Variants in PCM1 observed in about 807,000 individuals in gnomAD.
The protein encoded by PCM1 is pericentriolar material 1 protein.
Under a neutral mutation model 241.9 loss-of-function variants are expected in PCM1, and 157 were observed. That is an observed-to-expected ratio of 0.65 (90% CI 0.57 to 0.74). PCM1 has a LOEUF of 0.74. Among genes scored for constraint, PCM1 ranks in the 30% least tolerant of loss-of-function variants. The pLI, the probability that PCM1 is intolerant of heterozygous loss-of-function variation, is 0.00. For missense variants in PCM1, 3,478 were observed against 2,360.1 expected, an observed-to-expected ratio of 1.47 and a Z score of -9.81; for synonymous variants, 1,085 against 784.9, an observed-to-expected ratio of 1.38 and a Z score of -6.39.
intron 23 of PCM1, among the ~76,000 whole-genome samples, chr8:17,976,568 T>G (rs1463623062): frequency 1.3e-5 from 2 of 152,312 alleles, no homozygotes; most frequent in East Asian, 3.9e-4. Flanking sequence ...TTCCATGGCC[T>G]TCTGCCAAGA....
intron 24 of PCM1, among the ~76,000 whole-genome samples, chr8:17,981,146 G>T (rs1587710813): frequency 6.6e-6 from 1 of 152,274 alleles, no homozygotes; most frequent in East Asian, 1.9e-4. Flanking sequence ...CAGGGATTTG[G>T]TTCCTTCCTG....
intron 34 of PCM1, 134 bp downstream of exon 34, chr8:18,011,961 G>T: frequency 1.3e-6 from 1 of 770,174 alleles, no homozygotes; most frequent in Non-Finnish European, 2.1e-6. Flanking sequence ...TCATTAATAT[G>T]CTTATTAAAA....
chr8:17,989,431 A>G (rs933284977), intron 26 of PCM1, among the ~76,000 whole-genome samples: 2 of 152,036 alleles, frequency 1.3e-5, no homozygotes, highest in African/African-American at 4.8e-5. Flanking sequence ...TTATATTTCA[A>G]TAAAGTTTAT....
chr8:18,012,782 T>C (rs1463947744), intron 34 of PCM1, among the ~76,000 whole-genome samples: 1 of 152,230 alleles, frequency 6.6e-6, no homozygotes, highest in Non-Finnish European at 1.5e-5. Flanking sequence ...TCTGATTTTC[T>C]CCTCTTTTCC....
At position 17,972,521 on chromosome 8, in the gene PCM1, A is replaced by T. The variant is rs1367503249; in HGVS notation, c.3777A>T (p.Glu1259Asp). The change falls in exon 23 of 39, where the codon GAA becomes GAT. Residue 1259 changes from glutamate to aspartate, a missense_variant. Physicochemically the swap from Glu to Asp is conservative, Grantham distance 45. Transcript: ENST00000325083. ...GCCAGTTTGATGAAGAATCACTGGAAAGCTTTAGCAGTATGCCTGATCCAG... is the reference window on the plus strand; with the variant it reads ...GCCAGTTTGATGAAGAATCACTGGATAGCTTTAGCAGTATGCCTGATCCAG... ...RRRQFDEESL[E>D]SFSSMPDPVD... The T allele has an allele frequency of 3.1e-6, 5 of 1,613,864 alleles. No homozygotes were observed. The Admixed American group carries it at 8.3e-5, about 27-fold the overall frequency.
chr8:17,950,811 A>C, intron 8 of PCM1, 87 bp downstream of exon 8: 4 of 762,912 alleles, frequency 5.2e-6, no homozygotes, highest in East Asian at 2.7e-5. Context: ...CATACATATC[A>C]CCTGGCATGA....
chr8:17,975,459 G>A lies in PCM1; in HGVS notation c.3943+2772G>A, dbSNP rs2078415054. The stretch of plus-strand genomic sequence containing the variant: ...ATTACAGGTGTGAGCCACAGCGCCC[G>A]ACCAATTTTTATTATATCTTAAAGG... On this transcript the variant is annotated intron_variant, in intron 23 of 38. Transcript: ENST00000325083. Among the ~76,000 whole-genome samples the A allele has an allele frequency of 1.3e-5, 2 of 152,090 alleles. 1 individual carries two copies. Among genetic ancestry groups the A allele is most frequent in the South Asian group, 4.1e-4 (2 of 4,828 alleles).
intron 9 of PCM1, among the ~76,000 whole-genome samples, chr8:17,953,639 G>T (rs577273021): frequency 6.6e-6 from 1 of 152,026 alleles, no homozygotes; most frequent in Non-Finnish European, 1.5e-5. Flanking sequence ...GTTTAGTCTA[G>T]AGAGCCCAGA....
At position 18,018,021 on chromosome 8, in the gene PCM1, A is replaced by G. The variant is rs569628406; in HGVS notation, c.5841+3181A>G. ...CACGTACAGTGTTGGTGGATACCTT[A>G]TCCACTTTCAACCCCATGCTAATAA... On this transcript the variant is annotated intron_variant, in intron 36 of 38. Transcript: ENST00000325083. Among the ~76,000 whole-genome samples the G allele has an allele frequency of 3.3e-5, 5 of 152,346 alleles. 1 individual carries two copies. In the South Asian group the frequency reaches 1.0e-3, roughly 32 times the overall value.
chr8:18,022,334 A>G (rs923883591), intron 36 of PCM1, among the ~76,000 whole-genome samples: 3 of 152,364 alleles, frequency 2.0e-5, no homozygotes, highest in African/African-American at 7.2e-5. Context: ...AAAATGTTCA[A>G]ACTTTTGTTG....
At chr8:17,927,817 G>C (rs902207008) in intron 2 of PCM1, 2 of 148,706 alleles carry the variant, frequency 1.3e-5, no homozygotes, top group Non-Finnish European at 3.0e-5. Context: ...CCTAAGTCCT[G>C]GGATTACAAG....
intron 6 of PCM1, among the ~76,000 whole-genome samples, chr8:17,940,586 T>G (rs963971992): frequency 5.9e-5 from 9 of 152,166 alleles, no homozygotes; most frequent in Non-Finnish European, 1.3e-4. Context: ...TATTAGAATT[T>G]TTCATTTTTT....
At chr8:17,984,882 G>T (rs192914568) in intron 24 of PCM1, among the ~76,000 whole-genome samples, 8 of 151,996 alleles carry the variant, frequency 5.3e-5, no homozygotes, top group Admixed American at 5.2e-4. Flanking sequence ...TGGTGAAATT[G>T]ACCTATTATG....
At chr8:17,936,474 A>C (rs1212365526) in intron 3 of PCM1, among the ~76,000 whole-genome samples, 1 of 151,660 alleles carries the variant, frequency 6.6e-6, no homozygotes, top group East Asian at 1.9e-4. Flanking sequence ...TAAGTAAATA[A>C]AAATGTTTTC....
chr8:17,948,232 C>A (rs1408427565), intron 7 of PCM1, among the ~76,000 whole-genome samples: 3 of 151,184 alleles, frequency 2.0e-5, no homozygotes, highest in African/African-American at 7.3e-5. Flanking sequence ...CCTGTCTAAT[C>A]CCTGTTATAC....
intron 29 of PCM1, among the ~76,000 whole-genome samples, chr8:17,997,830 G>C (rs1177583996): frequency 6.7e-6 from 1 of 150,264 alleles, no homozygotes; most frequent in Non-Finnish European, 1.5e-5. Flanking sequence ...TTTGAGACCA[G>C]CCTGGCCAAC....
At chr8:17,939,161 T>A in intron 5 of PCM1, 152 bp downstream of exon 5, 1 of 671,934 alleles carries the variant, frequency 1.5e-6, no homozygotes, top group Non-Finnish European at 2.5e-6. Flanking sequence ...CAGATTTACT[T>A]AAAATAGAGT....
At chr8:17,986,776 C>A (rs989213594) in intron 26 of PCM1, among the ~76,000 whole-genome samples, 2 of 151,804 alleles carry the variant, frequency 1.3e-5, no homozygotes, top group East Asian at 3.9e-4. Context: ...TTCATGTGGT[C>A]GTGGGATAGC....
rs2094353529 is a variant in PCM1, at chr8:18,028,153, G to C, written c.*491G>C. ...CAGTGTTGCTGCTGTTGGGTCTGATGTTCTTCTTTTAGATACCTGCAGGTC... is the reference window on the plus strand; with the variant it reads ...CAGTGTTGCTGCTGTTGGGTCTGATCTTCTTCTTTTAGATACCTGCAGGTC... On this transcript the variant is annotated 3_prime_UTR_variant, in exon 39 of 39. Coordinates refer to ENST00000325083, the MANE Select transcript of PCM1 (RefSeq NM_006197.4). 5.1e-6 allele frequency: 1 copy of C among 195,914 alleles called. No homozygotes were observed. The highest frequency in any genetic ancestry group is 1.1e-5 in the Non-Finnish European group (1 of 94,498). 12.1% of individuals were successfully genotyped at this position (195,914 alleles called of 1,614,324 possible).
Sources: allele counts gnomAD v4.1 joint callset (sites outside exome capture counted in the v4.1 genomes callset), GRCh38; gene constraint gnomAD v4.1.1; transcripts MANE v1.5; gene names NCBI Gene and HGNC (gene_info 2026-07-23, HGNC 2026-07-21).